The following CCDC39 variants were observed in gnomAD, a reference collection of about 807,000 sequenced individuals.
CCDC39 encodes coiled-coil domain 39 molecular ruler complex subunit, also known as coiled-coil domain-containing protein 39.
Under a neutral mutation model 121.0 loss-of-function variants are expected in CCDC39, and 113 were observed. The observed-to-expected ratio is 0.93, with a 90% CI of 0.80 to 1.09. The LOEUF (loss-of-function observed/expected upper bound fraction) is 1.09, where lower values mean the gene tolerates loss of function less well. CCDC39 is among the 50% of genes least tolerant of loss of function. CCDC39 has a pLI of 0.00. For missense variants in CCDC39, 1,063 were observed against 1,074.7 expected (o/e 0.99, Z 0.15); for synonymous variants, 349 against 352.2 (o/e 0.99, Z 0.10).
chr3:180,627,877 G>A (rs1423505232), intron 14 of CCDC39, among the ~76,000 whole-genome samples: 1 of 152,150 alleles, frequency 6.6e-6, no homozygotes, highest in African/African-American at 2.4e-5. Context: ...ACCCCAGAAG[G>A]TGACCTTATT....
At chr3:180,655,086 T>A (rs1711550796) in intron 6 of CCDC39, 133 bp from the exon 7 acceptor site, 2 of 511,546 alleles carry the variant, frequency 3.9e-6, no homozygotes, top group Non-Finnish European at 6.4e-6. Context: ...CATTTTTAAA[T>A]ACTTTTATAT....
chr3:180,674,827 G>A lies in CCDC39; in HGVS notation c.90+4464C>T, dbSNP rs137889770. Among the ~76,000 whole-genome samples the A allele has an allele frequency of 1.8e-4, 28 of 152,326 alleles. No homozygotes were observed. The East Asian group carries it at 5.4e-3, about 29-fold the overall frequency. On this transcript the variant is annotated intron_variant, in intron 1 of 19. Coordinates refer to ENST00000476379, the MANE Select transcript of CCDC39 (RefSeq NM_181426.2). ...ACCAGCCTTGCATCCCAGGGATGAA[G>A]CCCACTTGATCATCGTGGATAAGCT...
intron 13 of CCDC39, among the ~76,000 whole-genome samples, chr3:180,631,931 G>A (rs1717706822): frequency 6.6e-6 from 1 of 152,142 alleles, no homozygotes; most frequent in Non-Finnish European, 1.5e-5. Flanking sequence ...CACAATCCCT[G>A]TTTCAGAGAC....
intron 11 of CCDC39, 60 bp downstream of exon 11, chr3:180,647,018 GT>G: frequency 6.7e-7 from 1 of 1,495,030 alleles, no homozygotes; most frequent in Non-Finnish European, 9.1e-7. Flanking sequence ...TTAAGAACAT[GT>G]TGTCCTAAAA....
At chr3:180,650,024 A>G (rs1369760088) in intron 9 of CCDC39, among the ~76,000 whole-genome samples, 1 of 152,196 alleles carries the variant, frequency 6.6e-6, no homozygotes, top group African/African-American at 2.4e-5. Context: ...CCAAATACAA[A>G]TGGAGCCAGA....
At chr3:180,671,956 C>G (rs531922221) in intron 1 of CCDC39, among the ~76,000 whole-genome samples, 2 of 152,204 alleles carry the variant, frequency 1.3e-5, no homozygotes, top group South Asian at 4.1e-4. Flanking sequence ...ATAAAGGTGG[C>G]TACACCAAAC....
rs749397443 is a variant in CCDC39, at chr3:180,616,917, T to C, written c.2315A>G (p.Lys772Arg). The C allele has an allele frequency of 1.1e-5, 17 of 1,534,550 alleles. No homozygotes were observed. The South Asian group carries it at 2.0e-4, about 18-fold the overall frequency. ...DVIEHLANNVKEKLSEKQAYS... is the reference protein window; with the variant it reads ...DVIEHLANNVREKLSEKQAYS... ...AGCCTGCTTCTCTGATAACTTTTCT[T>C]TAACATTATTTGCCAAATGTTCTAT... Residue 772 changes from lysine to arginine, a missense_variant, in exon 17 of 20, where the codon AAA becomes AGA. Coordinates refer to ENST00000476379, the MANE Select transcript of CCDC39 (RefSeq NM_181426.2).
intron 1 of CCDC39, among the ~76,000 whole-genome samples, chr3:180,678,172 G>T (rs1021707743): frequency 1.3e-5 from 2 of 152,156 alleles, no homozygotes; most frequent in East Asian, 3.8e-4. Flanking sequence ...TGGTAAGTAG[G>T]ATCTGAACCC....
Position 180,661,926 on chromosome 3 carries a change from T to C in CCDC39, c.292A>G (p.Lys98Glu), listed in dbSNP as rs1328087115. 1.9e-6 allele frequency: 3 copies of C among 1,582,210 alleles called. No homozygotes were observed. The highest frequency in any genetic ancestry group is 1.7e-6 in the Non-Finnish European group (2 of 1,162,134). Residue 98 changes from lysine to glutamate, a missense_variant, in exon 3 of 20, where the codon AAA becomes GAA. Physicochemically the swap from Lys to Glu is moderately conservative, Grantham distance 56 (BLOSUM62 1). Transcript: ENST00000476379. ...AIAQRELGRVKDEIQRLENEM... is the reference protein window; with the variant it reads ...AIAQRELGRVEDEIQRLENEM... ...TTTTCCAGCCGTTGAATTTCATCTT[T>C]CACTCGTCCCAATTCTCTTTGAGCA...
At chr3:180,640,349 T>C (rs543513347) in intron 13 of CCDC39, among the ~76,000 whole-genome samples, 2 of 152,196 alleles carry the variant, frequency 1.3e-5, no homozygotes, top group South Asian at 4.1e-4. Flanking sequence ...AGGGTTTTTT[T>C]TACTTCAAAA....
In CCDC39 at chr3:180,659,705, T is replaced by C. The variant is rs372208254; in HGVS notation, c.581A>G (p.Asn194Ser). The change falls in exon 5 of 20, where the codon AAC becomes AGC. Residue 194 changes from asparagine to serine, a missense_variant. Coordinates refer to ENST00000476379, the MANE Select transcript of CCDC39 (RefSeq NM_181426.2). The part of the protein sequence containing the change: ...ECNQKRKILD[N>S]ELTETISAQL... ...TGCGCTTATAGTCTCTGTAAGTTCG[T>C]TGTCAAGTATCTTTCTTTTCTGATT... 17 of 1,612,204 alleles carry C rather than the reference T, an allele frequency of 1.1e-5. No homozygotes were observed. Among genetic ancestry groups the C allele is most frequent in the Non-Finnish European group, 1.4e-5 (16 of 1,179,272 alleles).
At chr3:180,662,119 T>A in intron 2 of CCDC39, 112 bp from the exon 3 acceptor site, 1 of 914,620 alleles carries the variant, frequency 1.1e-6, no homozygotes, top group Non-Finnish European at 1.6e-6. Flanking sequence ...TTGCTTACAT[T>A]AAGTACTACT....
At chr3:180,659,372 G>C in intron 6 of CCDC39, 80 bp downstream of exon 6, 1 of 1,532,392 alleles carries the variant, frequency 6.5e-7, no homozygotes, top group Admixed American at 2.0e-5. Flanking sequence ...ATAACAATGT[G>C]ATTTACATTT....
chr3:180,617,120 A>G (rs973596408), intron 16 of CCDC39, among the ~76,000 whole-genome samples, 154 bp from the exon 17 acceptor site: 1 of 152,162 alleles, frequency 6.6e-6, no homozygotes, highest in Non-Finnish European at 1.5e-5. Context: ...ATCTCGGTCA[A>G]TGATGGACTG....
intron 1 of CCDC39, among the ~76,000 whole-genome samples, chr3:180,670,789 C>G (rs1712021951): frequency 1.3e-5 from 2 of 152,062 alleles, no homozygotes; most frequent in African/African-American, 2.4e-5. Flanking sequence ...TGGGTCTAGA[C>G]TCAAAGGCAG....
chr3:180,642,887 GT>G (rs1220344269), intron 12 of CCDC39, among the ~76,000 whole-genome samples: 6 of 151,366 alleles, frequency 4.0e-5, no homozygotes. Context: ...TTTAAAAAAA[GT>G]TTTGTGTCAC....
chr3:180,657,134 AAAT>A (rs1429820233), intron 6 of CCDC39, among the ~76,000 whole-genome samples: 1 of 152,182 alleles, frequency 6.6e-6, no homozygotes, highest in African/African-American at 2.4e-5. Context: ...AACAGTATGA[AAAT>A]AATAAAACCA....
intron 10 of CCDC39, among the ~76,000 whole-genome samples, chr3:180,647,697 T>A (rs1294546627): frequency 6.6e-6 from 1 of 151,994 alleles, no homozygotes; most frequent in Non-Finnish European, 1.5e-5. Flanking sequence ...AGAATATATA[T>A]TAGATGAGAA....
chr3:180,619,211 G>A (rs1262603988), intron 16 of CCDC39, 48 bp downstream of exon 16: 1 of 846,026 alleles, frequency 1.2e-6, no homozygotes, highest in Admixed American at 2.0e-5. Context: ...AGTAATGATA[G>A]TTGACTTTTA....
Sources: gnomAD v4.1 joint callset for allele counts (sites outside exome capture counted in the v4.1 genomes callset) on GRCh38, gnomAD v4.1.1 for gene constraint, MANE v1.5 for transcripts, NCBI Gene and HGNC (gene_info 2026-07-23, HGNC 2026-07-21) for gene names.